The following METTL15 variants were observed in gnomAD, a reference collection of about 807,000 sequenced individuals.
METTL15 encodes 12S rRNA N(4)-cytidine methyltransferase METTL15.
METTL15 carries 34 observed loss-of-function variants against 38.3 expected under a neutral mutation model. The ratio of observed to expected loss-of-function variants is 0.89; its 90% CI spans 0.68 to 1.18. The LOEUF (loss-of-function observed/expected upper bound fraction) is 1.18, where lower values mean the gene tolerates loss of function less well. Ranked by LOEUF, METTL15 falls within the 50% of genes most tolerant of loss-of-function variation. The pLI, the probability that METTL15 is intolerant of heterozygous loss-of-function variation, is 0.00. For missense variants in METTL15, 438 were observed against 498.4 expected (o/e 0.88, Z 1.15); for synonymous variants, 162 against 170.9 (o/e 0.95, Z 0.41).
intron 4 of METTL15, among the ~76,000 whole-genome samples, chr11:28,258,405 C>G (rs1172428262): frequency 6.6e-6 from 1 of 152,104 alleles, no homozygotes; most frequent in Non-Finnish European, 1.5e-5. Flanking sequence ...TCACTTCAGG[C>G]CCTGAGGCTC....
chr11:28,306,996 A>G (rs993054007), intron 6 of METTL15, among the ~76,000 whole-genome samples: 1 of 151,932 alleles, frequency 6.6e-6, no homozygotes, highest in African/African-American at 2.4e-5. Flanking sequence ...TATATTTTAT[A>G]TTTCTTATAA....
At chr11:28,161,525 A>G (rs1301337279) in intron 3 of METTL15, among the ~76,000 whole-genome samples, 1 of 152,198 alleles carries the variant, frequency 6.6e-6, no homozygotes, top group Non-Finnish European at 1.5e-5. Context: ...GGTCACATTT[A>G]TTAGTTTTTG....
intron 4 of METTL15, among the ~76,000 whole-genome samples, chr11:28,352,649 C>G (rs753728683): frequency 2.0e-5 from 3 of 152,168 alleles, no homozygotes; most frequent in Non-Finnish European, 4.4e-5. Flanking sequence ...TGTCTTTGAA[C>G]TCTTCTATCT....
In METTL15 at chr11:28,216,967, G is replaced by A. The variant is rs561246769; in HGVS notation, c.407+5769G>A. Among the ~76,000 whole-genome samples, 11 of 151,902 alleles carry A rather than the reference G, an allele frequency of 7.2e-5. No individual in the cohort carries two copies. In the South Asian group the frequency reaches 2.3e-3, roughly 32 times the overall value. On this transcript the variant is annotated intron_variant, in intron 4 of 6. Coordinates refer to ENST00000407364, the MANE Select transcript of METTL15 (RefSeq NM_001113528.2). ...TTCTTAATCCAGTCTATCATTGATG[G>A]ACATTTGGGTTGGTTCCAAGTCTTT...
chr11:28,391,543 C>T (rs950292865), intron 5 of METTL15, among the ~76,000 whole-genome samples: 4 of 152,242 alleles, frequency 2.6e-5, no homozygotes, highest in Admixed American at 1.3e-4. Context: ...CTGGAGGCAT[C>T]ACGCTACCTG....
At chr11:28,276,068 T>G (rs1234646117) in intron 4 of METTL15, among the ~76,000 whole-genome samples, 1 of 152,076 alleles carries the variant, frequency 6.6e-6, no homozygotes, top group Non-Finnish European at 1.5e-5. Flanking sequence ...ACCACTGCCT[T>G]TCAACATAGT....
rs756098921 is a variant in METTL15, at chr11:28,163,529, ATCTCTC to A, written c.271-47515_271-47510del. 14 of 338,524 alleles carry A rather than the reference ATCTCTC, an allele frequency of 4.1e-5. No homozygotes were observed. In the South Asian group the frequency reaches 1.1e-3, roughly 28 times the overall value. 21.0% of individuals were successfully genotyped at this position (338,524 alleles called of 1,614,324 possible). On this transcript the variant is annotated intron_variant, in intron 3 of 6. Transcript: ENST00000407364. ...TCTAATAAGATGCTTCTTCTTACTG[ATCTCTC>A]TCTCTCTCTCTCTCTCTGTGTGTGT...
chr11:28,287,634 C>T lies in METTL15; in HGVS notation c.408-2572C>T, dbSNP rs559918463. On this transcript the variant is annotated intron_variant, in intron 4 of 6. Coordinates refer to ENST00000407364, the MANE Select transcript of METTL15 (RefSeq NM_001113528.2). ...ACATCCATGTGCACCATTGTGGTGG[C>T]GTGGAAGGAGCTATAATTTATATTT... 19 of 182,142 alleles carry T rather than the reference C, an allele frequency of 1.0e-4. No homozygotes were observed. The East Asian group carries it at 2.1e-3, about 20-fold the overall frequency. 11.3% of individuals were successfully genotyped at this position (182,142 alleles called of 1,614,324 possible).
At chr11:28,430,406 C>T (rs1439088369) in intron 6 of METTL15, among the ~76,000 whole-genome samples, 1 of 70,826 alleles carries the variant, frequency 1.4e-5, no homozygotes, top group Non-Finnish European at 3.1e-5. Flanking sequence ...CCAGCCGCCC[C>T]GTCCGGGAGG....
intron 6 of METTL15, among the ~76,000 whole-genome samples, chr11:28,426,415 T>C (rs78123456): frequency 0.055 from 8,357 of 152,242 alleles, 402 homozygotes; most frequent in African/African-American, 0.13. Flanking sequence ...AATAGAATGA[T>C]TTATATTCCT....
chr11:28,476,422 A>G (rs1458430841), intron 6 of METTL15, among the ~76,000 whole-genome samples: 1 of 152,162 alleles, frequency 6.6e-6, no homozygotes, highest in East Asian at 1.9e-4. Flanking sequence ...GACCACCAGA[A>G]TTCTTATTTG....
chr11:28,226,745 C>T (rs1410282836), intron 4 of METTL15, among the ~76,000 whole-genome samples: 2 of 151,880 alleles, frequency 1.3e-5, no homozygotes, highest in Admixed American at 1.3e-4. Flanking sequence ...GACCCTAAGG[C>T]CAGTGTAAAA....
intron 5 of METTL15, among the ~76,000 whole-genome samples, chr11:28,387,473 A>G (rs1220419984): frequency 6.6e-6 from 1 of 152,024 alleles, no homozygotes; most frequent in Non-Finnish European, 1.5e-5. Context: ...AGAACCATGC[A>G]AACTACCAAA....
At chr11:28,339,699 T>C (rs1849933363) in intron 3 of METTL15, among the ~76,000 whole-genome samples, 1 of 152,000 alleles carries the variant, frequency 6.6e-6, no homozygotes, top group South Asian at 2.1e-4. Flanking sequence ...ATGAAAGACA[T>C]CAAACTACAG....
intron 4 of METTL15, among the ~76,000 whole-genome samples, chr11:28,245,157 A>G (rs556850553): frequency 4.9e-4 from 74 of 152,186 alleles, no homozygotes; most frequent in Non-Finnish European, 7.6e-4. Context: ...CAGACAATGG[A>G]GCTGTACAAC....
At position 28,179,800 on chromosome 11, in the gene METTL15, T is replaced by G. The variant is rs79555603; in HGVS notation, c.271-31262T>G. On this transcript the variant is annotated intron_variant, in intron 3 of 6. Transcript: ENST00000407364. ...AGCATATAGCTAATAGTAGAATTAT[T>G]GATTCACTTTAGGAAATAGAGCCAA... Among the ~76,000 whole-genome samples the G allele has an allele frequency of 1.4e-3, 212 of 151,914 alleles. No homozygotes were observed. In the East Asian group the frequency reaches 0.023, roughly 17 times the overall value.
At chr11:28,454,365 A>G (rs142540316) in intron 6 of METTL15, among the ~76,000 whole-genome samples, 1 of 152,340 alleles carries the variant, frequency 6.6e-6, no homozygotes, top group African/African-American at 2.4e-5. Flanking sequence ...ACAATTGCAA[A>G]AGTAATTTTC....
chr11:28,395,551 C>T (rs1850559092), intron 5 of METTL15, among the ~76,000 whole-genome samples: 1 of 152,050 alleles, frequency 6.6e-6, no homozygotes, highest in Non-Finnish European at 1.5e-5. Context: ...CAAGACTAAA[C>T]CAGGAAGAAG....
downstream of METTL15, among the ~76,000 whole-genome samples, chr11:28,338,075 CTTT>C (rs112039826): frequency 2.1e-5 from 3 of 142,498 alleles, no homozygotes; most frequent in Non-Finnish European, 4.6e-5. Flanking sequence ...ATCTTTGCTT[CTTT>C]TTTTTTTTTT....
Sources: gnomAD v4.1 joint callset for allele counts (sites outside exome capture counted in the v4.1 genomes callset) on GRCh38, gnomAD v4.1.1 for gene constraint, MANE v1.5 for transcripts, NCBI Gene and HGNC (gene_info 2026-07-23, HGNC 2026-07-21) for gene names.